The following CDH9 variants were observed in gnomAD, a reference collection of about 807,000 sequenced individuals.
CDH9 encodes cadherin 9.
CDH9 carries 28 observed loss-of-function variants against 70.9 expected under a neutral mutation model. The observed-to-expected ratio is 0.40, with a 90% confidence interval of 0.29 to 0.54. The LOEUF is 0.54. CDH9 is among the 20% of genes least tolerant of loss of function. The pLI is 0.59. For missense variants in CDH9, 874 were observed against 984.4 expected (o/e 0.89, Z 1.50); for synonymous variants, 409 against 343.1 (o/e 1.19, Z -2.12).
intron 11 of CDH9, among the ~76,000 whole-genome samples, chr5:26,882,586 A>C (rs982526792): frequency 6.6e-6 from 1 of 152,060 alleles, no homozygotes; most frequent in African/African-American, 2.4e-5. Flanking sequence ...TAAAAATATA[A>C]ATTTTCCATT....
At chr5:26,947,697 A>T (rs1741777398) in intron 2 of CDH9, among the ~76,000 whole-genome samples, 1 of 152,170 alleles carries the variant, frequency 6.6e-6, no homozygotes, top group Non-Finnish European at 1.5e-5. Context: ...TTACGAAGAA[A>T]TGCTGTTTTA....
intron 1 of CDH9, among the ~76,000 whole-genome samples, chr5:27,009,071 C>T (rs1228969617): frequency 1.1e-4 from 16 of 151,992 alleles, no homozygotes; most frequent in Admixed American, 1.1e-3. Flanking sequence ...GGTGACTCAC[C>T]CCAAGGTTAC....
intron 2 of CDH9, among the ~76,000 whole-genome samples, chr5:26,936,876 C>G (rs1741568593): frequency 6.7e-6 from 1 of 149,558 alleles, no homozygotes; most frequent in Non-Finnish European, 1.5e-5. Flanking sequence ...CACACACACA[C>G]ACCACTCAAA....
At chr5:27,008,041 G>A (rs1742897559) in intron 1 of CDH9, among the ~76,000 whole-genome samples, 1 of 152,064 alleles carries the variant, frequency 6.6e-6, no homozygotes, top group African/African-American at 2.4e-5. Context: ...CAGAAAAACT[G>A]AATGAACAGT....
At chr5:26,990,854 G>T (rs925774105) in intron 1 of CDH9, among the ~76,000 whole-genome samples, 5 of 152,146 alleles carry the variant, frequency 3.3e-5, no homozygotes, top group African/African-American at 4.8e-5. Flanking sequence ...GAAATCAAAG[G>T]GTATTCTCCA....
At chr5:27,029,041 C>T (rs1342908666) in intron 1 of CDH9, among the ~76,000 whole-genome samples, 3 of 151,818 alleles carry the variant, frequency 2.0e-5, no homozygotes, top group East Asian at 3.9e-4. Flanking sequence ...TAGGAAAGGC[C>T]AATGTAAGAT....
At chr5:26,886,616 A>C (rs999477188) in intron 9 of CDH9, among the ~76,000 whole-genome samples, 4 of 152,166 alleles carry the variant, frequency 2.6e-5, no homozygotes, top group African/African-American at 9.6e-5. Flanking sequence ...AGCTATGGAC[A>C]CCATTACTAT....
intron 2 of CDH9, among the ~76,000 whole-genome samples, chr5:26,929,138 TAAGA>T (rs1354078754): frequency 2.0e-5 from 3 of 151,882 alleles, no homozygotes; most frequent in Non-Finnish European, 4.4e-5. Flanking sequence ...AACAACTCTG[TAAGA>T]AAGAAAATCT....
chr5:26,921,501 G>A (rs530597807), intron 2 of CDH9, among the ~76,000 whole-genome samples: 1 of 152,172 alleles, frequency 6.6e-6, no homozygotes, highest in East Asian at 1.9e-4. Context: ...ACGGGAACTA[G>A]GTAAGGACTA....
At chr5:26,974,407 C>T (rs1291942913) in intron 2 of CDH9, among the ~76,000 whole-genome samples, 1 of 152,014 alleles carries the variant, frequency 6.6e-6, no homozygotes, top group East Asian at 1.9e-4. Context: ...AGATATTCGC[C>T]TGTTCATTTG....
At position 27,017,843 on chromosome 5, in the gene CDH9, T is replaced by G. The variant is rs1008602112; in HGVS notation, c.-50+20620A>C. Reference sequence around the variant, plus strand: ...TCTTTGATCTATCTCCATTTCTATCTGTCTAATTCACATATAGGTTATTTA... The same window carrying G: ...TCTTTGATCTATCTCCATTTCTATCGGTCTAATTCACATATAGGTTATTTA... On this transcript the variant is annotated intron_variant, in intron 1 of 11. Coordinates refer to ENST00000231021, the MANE Select transcript of CDH9 (RefSeq NM_016279.4). Among the ~76,000 whole-genome samples the G allele has an allele frequency of 2.6e-5, 4 of 152,044 alleles. No individual in the cohort carries two copies. In the Admixed American group the frequency reaches 2.6e-4, roughly 10 times the overall value.
intron 2 of CDH9, among the ~76,000 whole-genome samples, chr5:26,928,625 C>T (rs139475855): frequency 2.0e-5 from 3 of 152,044 alleles, no homozygotes; most frequent in South Asian, 2.1e-4. Flanking sequence ...AGAATAGCTT[C>T]GTACTGGTGT....
chr5:26,963,734 T>C (rs1742079478), intron 2 of CDH9, among the ~76,000 whole-genome samples: 2 of 151,878 alleles, frequency 1.3e-5, no homozygotes, highest in South Asian at 2.1e-4. Flanking sequence ...TGGCCTTCTT[T>C]AAAAAAAAAG....
chr5:26,885,259 C>G (rs1740543959), intron 11 of CDH9, among the ~76,000 whole-genome samples: 1 of 151,980 alleles, frequency 6.6e-6, no homozygotes, highest in South Asian at 2.1e-4. Flanking sequence ...CAGCCTTTCT[C>G]TAGAAGAAAA....
At chr5:26,970,608 A>G (rs9293257) in intron 2 of CDH9, among the ~76,000 whole-genome samples, 71,634 of 151,830 alleles carry the variant, frequency 0.47, 17,725 homozygotes, top group Non-Finnish European at 0.53. Flanking sequence ...ATAGAAAATA[A>G]CTAAATGATT....
intron 2 of CDH9, among the ~76,000 whole-genome samples, chr5:26,934,690 A>AAT (rs1741528366): frequency 6.6e-6 from 1 of 152,174 alleles, no homozygotes; most frequent in Non-Finnish European, 1.5e-5. Flanking sequence ...ATTAAATGCC[A>AAT]TCATCTACCA....
chr5:27,000,954 G>C (rs919194734), intron 1 of CDH9, among the ~76,000 whole-genome samples: 1 of 152,086 alleles, frequency 6.6e-6, no homozygotes, highest in African/African-American at 2.4e-5. Context: ...CCAGTGGTTT[G>C]AAAAGACAAG....
chr5:26,921,011 G>A (rs1415436858), intron 2 of CDH9, among the ~76,000 whole-genome samples: 4 of 152,128 alleles, frequency 2.6e-5, no homozygotes, highest in Admixed American at 1.3e-4. Context: ...TTCGTCAAAT[G>A]AACTAAATAG....
chr5:26,914,137 G>A (rs1292775441), intron 3 of CDH9, among the ~76,000 whole-genome samples: 1 of 151,432 alleles, frequency 6.6e-6, no homozygotes, highest in Non-Finnish European at 1.5e-5. Context: ...TACTTTTCTA[G>A]GTATGTCAAA....
Sources: gnomAD v4.1 joint callset for allele counts (sites outside exome capture counted in the v4.1 genomes callset) on GRCh38, gnomAD v4.1.1 for gene constraint, MANE v1.5 for transcripts, NCBI Gene and HGNC (gene_info 2026-07-23, HGNC 2026-07-21) for gene names.